The following SLC5A9 variants were observed in gnomAD, a reference collection of about 807,000 sequenced individuals.
The protein encoded by SLC5A9 is solute carrier family 5 member 9, also known as sodium/glucose cotransporter 4.
In SLC5A9, 59 loss-of-function variants were observed where a neutral mutation model predicts 70.9. That is an observed-to-expected ratio of 0.83 (90% CI 0.68 to 1.03). SLC5A9 has a LOEUF of 1.03. Among genes scored for constraint, SLC5A9 ranks in the 50% least tolerant of loss-of-function variants. The pLI is 0.00. For synonymous variants in SLC5A9, 340 were observed against 346.5 expected, an observed-to-expected ratio of 0.98 and a Z score of 0.21; for missense variants, 832 against 881.1, an observed-to-expected ratio of 0.94 and a Z score of 0.71.
intron 1 of SLC5A9, among the ~76,000 whole-genome samples, chr1:48,223,341 C>T (rs1195832102): frequency 2.0e-5 from 3 of 152,134 alleles, no homozygotes; most frequent in African/African-American, 4.8e-5. Context: ...GGAAGTGTGC[C>T]AGGCTTATTC....
chr1:48,246,514 T>G (rs1569875694), intron 13 of SLC5A9, among the ~76,000 whole-genome samples: 1 of 152,238 alleles, frequency 6.6e-6, no homozygotes, highest in Non-Finnish European at 1.5e-5. Context: ...ATATAATGTC[T>G]GCTGATTTTT....
At position 48,247,405 on chromosome 1, in the gene SLC5A9, C is replaced by A; in HGVS notation, c.1908C>A (p.Ala636=). ...FCGLSGTPEQ[A]LSPAEKAALE... ...GGCTCTCTGGAACACCGGAGCAGGC[C>A]CTGAGCCCAGCAGAGAAGGCTGCGC... Residue 636 remains alanine, a synonymous_variant, in exon 14 of 14, where the codon GCC becomes GCA. Transcript: ENST00000438567. The A allele has an allele frequency of 1.2e-6, 2 of 1,614,116 alleles. No individual in the cohort carries two copies. Among genetic ancestry groups the A allele is most frequent in the Non-Finnish European group, 1.7e-6 (2 of 1,180,024 alleles).
chr1:48,235,591 G>T, intron 9 of SLC5A9, 138 bp from the exon 10 acceptor site: 1 of 948,240 alleles, frequency 1.1e-6, no homozygotes, highest in Non-Finnish European at 1.6e-6. Flanking sequence ...GTGCTGGATG[G>T]GAGCCTCATC....
In SLC5A9 at chr1:48,233,889, A is replaced by C; in HGVS notation, c.1141+127A>C. Reference sequence around the variant, plus strand: ...GAAAACTATTCACCTCTGCACCCCCATCCCAACACATACACACACGTTTTA... The same window carrying C: ...GAAAACTATTCACCTCTGCACCCCCCTCCCAACACATACACACACGTTTTA... On this transcript the variant is annotated intron_variant, in intron 9 of 13. Coordinates refer to ENST00000438567, the MANE Select transcript of SLC5A9 (RefSeq NM_001011547.3). 3 of 701,976 alleles carry C rather than the reference A, an allele frequency of 4.3e-6. No homozygotes were observed. The South Asian group carries it at 4.9e-5, about 11-fold the overall frequency. 43.5% of individuals were successfully genotyped at this position (701,976 alleles called of 1,614,324 possible).
rs993835547 is a variant in SLC5A9, at chr1:48,229,293, A to AGGCAACCT, written c.342_349dup. On this transcript the variant is annotated splice_acceptor_variant, in intron 3 of 13. Transcript: ENST00000438567. LOFTEE classifies it high-confidence loss of function. Reference sequence around the variant, plus strand: ...ACCTTCTTCTTCTCCCCACTCTCCCAGGCAACCTGGCTGCTCCTGGCCCTT... The same window carrying AGGCAACCT: ...ACCTTCTTCTTCTCCCCACTCTCCCAGGCAACCTGGCAACCTGGCTGCTCCTGGCCCTT... 63 of 1,613,966 alleles carry AGGCAACCT rather than the reference A, an allele frequency of 3.9e-5. No individual in the cohort carries two copies. Among genetic ancestry groups the AGGCAACCT allele is most frequent in the Non-Finnish European group, 5.2e-5 (61 of 1,180,000 alleles).
chr1:48,224,695 A>G, intron 1 of SLC5A9, 29 bp from the exon 2 acceptor site: 9 of 1,603,458 alleles, frequency 5.6e-6, no homozygotes, highest in Non-Finnish European at 7.7e-6. Flanking sequence ...AGTCTTGAGA[A>G]ATCCTCATCT....
Position 48,233,386 on chromosome 1 carries a change from AGAT to A in SLC5A9, c.1034-268_1034-266del, listed in dbSNP as rs796736358. On this transcript the variant is annotated intron_variant, in intron 8 of 13. Transcript: ENST00000438567. ...AAAAAAAAAAAAAAAAAAAAAAAAA[AGAT>A]AGAAAAGAACACATAATAAGCAGTT... is the stretch of plus-strand genomic sequence containing the variant. Among the ~76,000 whole-genome samples, 60 of 136,624 alleles carry A rather than the reference AGAT, an allele frequency of 4.4e-4. 1 individual carries two copies. The highest frequency in any genetic ancestry group is 3.5e-3 in the East Asian group (10 of 2,848). The allele number at this position is 136,624 out of a possible 152,430, so 89.6% of individuals were successfully genotyped here.
At chr1:48,243,707 C>A (rs181416437) in intron 13 of SLC5A9, among the ~76,000 whole-genome samples, 4 of 151,668 alleles carry the variant, frequency 2.6e-5, no homozygotes, top group East Asian at 3.9e-4. Context: ...GCACACGTAT[C>A]CCTGAAACTA....
chr1:48,246,624 A>G (rs1644462927), intron 13 of SLC5A9, among the ~76,000 whole-genome samples: 1 of 152,118 alleles, frequency 6.6e-6, no homozygotes, highest in Non-Finnish European at 1.5e-5. Context: ...TCTCACCCCA[A>G]GGAAGCCCGT....
intron 1 of SLC5A9, among the ~76,000 whole-genome samples, chr1:48,224,050 T>C (rs924297820): frequency 6.6e-6 from 1 of 152,234 alleles, no homozygotes; most frequent in Non-Finnish European, 1.5e-5. Context: ...CAGAGAACTG[T>C]TGGCTTTTGC....
At chr1:48,228,644 C>A (rs1644198893) in intron 2 of SLC5A9, 7 of 769,558 alleles carry the variant, frequency 9.1e-6, no homozygotes, top group Non-Finnish European at 1.4e-5. Flanking sequence ...ATTCATCTTT[C>A]CTTACATTAG....
chr1:48,244,866 G>GTGTA lies in SLC5A9; in HGVS notation c.1837+2251_1837+2252insGTAT, dbSNP rs1354601965. Among the ~76,000 whole-genome samples, 13 of 11,800 alleles carry GTGTA rather than the reference G, an allele frequency of 1.1e-3. 2 individuals are homozygous for GTGTA. The highest frequency in any genetic ancestry group is 4.7e-3 in the African/African-American group (13 of 2,758). The allele number at this position is 11,800 out of a possible 152,430, so 7.7% of individuals were successfully genotyped here. ...ATATATAAAACCTGTGTGTGTGTAT[G>GTGTA]TATGTGTATGTGTATATATATATAT... On this transcript the variant is annotated intron_variant, in intron 13 of 13. Transcript: ENST00000438567.
At chr1:48,228,703 C>G in intron 2 of SLC5A9, 147 bp from the exon 3 acceptor site, 1 of 1,309,010 alleles carries the variant, frequency 7.6e-7, no homozygotes, top group South Asian at 1.5e-5. Context: ...CTGCGGATAT[C>G]TGTGGAATTA....
intron 10 of SLC5A9, among the ~76,000 whole-genome samples, chr1:48,236,440 A>G (rs1209219095): frequency 6.6e-6 from 1 of 152,190 alleles, no homozygotes; most frequent in Non-Finnish European, 1.5e-5. Flanking sequence ...GCTCTCTCCA[A>G]ATGATGCAGA....
chr1:48,244,747 T>TTATATTTATATTATATATAAAC (rs1644432328), intron 13 of SLC5A9, among the ~76,000 whole-genome samples: 1 of 132,126 alleles, frequency 7.6e-6, no homozygotes, highest in Non-Finnish European at 1.5e-5. Flanking sequence ...TATATATAAA[T>TTATATTTATATTATATATAAAC]TATATTTATA....
intron 13 of SLC5A9, among the ~76,000 whole-genome samples, 176 bp from the exon 14 acceptor site, chr1:48,247,159 T>C (rs565517663): frequency 6.6e-6 from 1 of 152,336 alleles, no homozygotes; most frequent in African/African-American, 2.4e-5. Context: ...GTCTGTGGTT[T>C]GCAGAAAGTA....
chr1:48,227,272 AGT>A (rs72024467), intron 2 of SLC5A9, among the ~76,000 whole-genome samples: 32,019 of 101,354 alleles, frequency 0.32, 4,425 homozygotes, highest in Admixed American at 0.43. Context: ...TGTGTGTCAG[AGT>A]GTGTGTGTGT....
Position 48,231,990 on chromosome 1 carries a change from A to T in SLC5A9, c.736A>T (p.Arg246Trp), listed in dbSNP as rs751027469. 6.2e-6 allele frequency: 10 copies of T among 1,614,152 alleles called. No individual in the cohort carries two copies. Among genetic ancestry groups the T allele is most frequent in the Non-Finnish European group, 8.5e-6 (10 of 1,180,026 alleles). ...GTACCCAGGCCTGGAGCAGCGGTAC[A>T]GGCAGGCCATCCCTAATGTCACAGT... ...GWYPGLEQRYRQAIPNVTVPN... is the reference protein window; with the variant it reads ...GWYPGLEQRYWQAIPNVTVPN... Residue 246 changes from arginine to tryptophan, a missense_variant, in exon 7 of 14, where the codon AGG becomes TGG. Arg to Trp is a moderately radical substitution (Grantham distance 101). Coordinates refer to ENST00000438567, the MANE Select transcript of SLC5A9 (RefSeq NM_001011547.3).
intron 3 of SLC5A9, 98 bp from the exon 4 acceptor site, chr1:48,229,196 CG>C: frequency 1.2e-6 from 2 of 1,613,966 alleles, no homozygotes; most frequent in Non-Finnish European, 1.7e-6. Flanking sequence ...TTTCTCTGTT[CG>C]GGGGCCTCCC....
Sources: allele counts gnomAD v4.1 joint callset (sites outside exome capture counted in the v4.1 genomes callset), GRCh38; gene constraint gnomAD v4.1.1; transcripts MANE v1.5; gene names NCBI Gene and HGNC (gene_info 2026-07-23, HGNC 2026-07-21).